DAB1: variants seen among roughly 807,000 people sequenced by gnomAD.
DAB1 encodes disabled homolog 1.
DAB1 carries 15 observed loss-of-function variants against 64.6 expected under a neutral mutation model. The observed-to-expected ratio is 0.23, with a 90% CI of 0.16 to 0.36. DAB1 has a LOEUF of 0.36. Among genes scored for constraint, DAB1 ranks in the 10% least tolerant of loss-of-function variants. The pLI is 1.00. For missense variants in DAB1, 596 were observed against 706.7 expected, an observed-to-expected ratio of 0.84 and a Z score of 1.78; for synonymous variants, 235 against 251.9, an observed-to-expected ratio of 0.93 and a Z score of 0.64.
intron 2 of DAB1, among the ~76,000 whole-genome samples, chr1:57,288,639 T>G (rs1014063249): frequency 1.3e-5 from 2 of 152,122 alleles, no homozygotes; most frequent in Non-Finnish European, 2.9e-5. Flanking sequence ...GTGAGAAACA[T>G]GTTTCTGTTG....
At chr1:57,557,065 G>A (rs1241702835) in intron 7 of DAB1, among the ~76,000 whole-genome samples, 1 of 152,140 alleles carries the variant, frequency 6.6e-6, no homozygotes, top group Non-Finnish European at 1.5e-5. Flanking sequence ...TGGATTGAAG[G>A]ACATAAAGTA....
At chr1:57,923,439 T>C (rs1644838066) in intron 5 of DAB1, among the ~76,000 whole-genome samples, 1 of 152,184 alleles carries the variant, frequency 6.6e-6, no homozygotes, top group Non-Finnish European at 1.5e-5. Flanking sequence ...GACCTGGGGA[T>C]ATCAATAGTG....
intron 5 of DAB1, among the ~76,000 whole-genome samples, chr1:57,917,108 C>T (rs1644738104): frequency 6.6e-6 from 1 of 152,144 alleles, no homozygotes; most frequent in South Asian, 2.1e-4. Flanking sequence ...TGGCCCCTGT[C>T]AGCGGGGCCA....
chr1:57,441,328 CCTT>C (rs1685950276), intron 7 of DAB1, among the ~76,000 whole-genome samples: 2 of 66,528 alleles, frequency 3.0e-5, no homozygotes, highest in Non-Finnish European at 6.0e-5. Context: ...CTTCTTTCCT[CCTT>C]CTTCTTTCTT....
At chr1:57,977,690 A>G (rs1025842214) in intron 5 of DAB1, among the ~76,000 whole-genome samples, 1 of 108,292 alleles carries the variant, frequency 9.2e-6, no homozygotes, top group Non-Finnish European at 1.9e-5. Flanking sequence ...CTCACCATAC[A>G]ATGCCTTTGC....
chr1:58,287,229 T>C (rs139616645), intron 4 of DAB1, among the ~76,000 whole-genome samples: 2,017 of 152,194 alleles, frequency 0.013, 45 homozygotes, highest in African/African-American at 0.046. Context: ...ACCTAGGTGA[T>C]GAGTTGATAG....
chr1:57,552,461 A>T (rs756048363), intron 7 of DAB1, among the ~76,000 whole-genome samples: 9 of 152,218 alleles, frequency 5.9e-5, no homozygotes, highest in Non-Finnish European at 1.3e-4. Context: ...CTATCAGAAC[A>T]GAATGGATAG....
chr1:57,564,167 G>A (rs1311388796), intron 7 of DAB1, among the ~76,000 whole-genome samples: 1 of 152,102 alleles, frequency 6.6e-6, no homozygotes, highest in Non-Finnish European at 1.5e-5. Flanking sequence ...CTGATACCCA[G>A]GCAAAGAGGG....
chr1:57,122,907 C>T (rs1463028573), intron 4 of DAB1, among the ~76,000 whole-genome samples: 1 of 152,028 alleles, frequency 6.6e-6, no homozygotes, highest in Non-Finnish European at 1.5e-5. Context: ...ATTCTCTCTC[C>T]CTGAATTTTT....
chr1:58,221,833 C>T (rs140511480), intron 4 of DAB1, among the ~76,000 whole-genome samples: 1 of 152,208 alleles, frequency 6.6e-6, no homozygotes, highest in Admixed American at 6.5e-5. Context: ...ATCTTCAGCT[C>T]TAATGGGACT....
intron 9 of DAB1, among the ~76,000 whole-genome samples, chr1:57,036,835 C>T (rs952334461): frequency 1.3e-5 from 2 of 152,114 alleles, no homozygotes; most frequent in Non-Finnish European, 2.9e-5. Flanking sequence ...AGTTTATCTT[C>T]CTATAATCTC....
chr1:57,940,902 A>G (rs1376546552), intron 5 of DAB1, among the ~76,000 whole-genome samples: 2 of 152,296 alleles, frequency 1.3e-5, no homozygotes, highest in African/African-American at 2.4e-5. Flanking sequence ...TGGAATCCCT[A>G]CGTGATGGGG....
intron 9 of DAB1, among the ~76,000 whole-genome samples, chr1:57,055,761 C>A (rs1023230517): frequency 2.0e-5 from 3 of 151,538 alleles, no homozygotes; most frequent in East Asian, 1.9e-4. Context: ...TTGAGTCCTA[C>A]AAAAATTTAT....
intron 6 of DAB1, among the ~76,000 whole-genome samples, chr1:57,805,092 G>C (rs1222783660): frequency 6.6e-6 from 1 of 152,140 alleles, no homozygotes. Flanking sequence ...GCAGCATGTG[G>C]TATTGAGATT....
intron 1 of DAB1, among the ~76,000 whole-genome samples, chr1:57,338,223 G>A (rs1286010564): frequency 6.6e-6 from 1 of 152,052 alleles, no homozygotes; most frequent in Admixed American, 6.6e-5. Context: ...GGGCTCAAGA[G>A]ATCTGCCCAC....
intron 3 of DAB1, among the ~76,000 whole-genome samples, chr1:58,483,052 A>T (rs1172430683): frequency 6.6e-6 from 1 of 152,238 alleles, no homozygotes; most frequent in Non-Finnish European, 1.5e-5. Flanking sequence ...TTTGAAGAAT[A>T]CACATTCGAA....
intron 7 of DAB1, among the ~76,000 whole-genome samples, chr1:57,608,502 T>C (rs926668108): frequency 3.3e-5 from 5 of 152,242 alleles, no homozygotes; most frequent in Admixed American, 6.5e-5. Context: ...ATCTGAAAGC[T>C]TGGCAGGCCG....
At chr1:58,008,805 T>C (rs899765654) in intron 5 of DAB1, among the ~76,000 whole-genome samples, 2 of 152,122 alleles carry the variant, frequency 1.3e-5, no homozygotes, top group Non-Finnish European at 2.9e-5. Flanking sequence ...ATGTCCAAGT[T>C]CCAGCAGGGC....
chr1:58,427,119 G>GT (rs1644828900), intron 3 of DAB1, among the ~76,000 whole-genome samples: 1 of 152,164 alleles, frequency 6.6e-6, no homozygotes, highest in South Asian at 2.1e-4. Flanking sequence ...GTAGAGTGCA[G>GT]TGAGGAAGGT....
Sources: gnomAD v4.1 joint callset for allele counts (sites outside exome capture counted in the v4.1 genomes callset) on GRCh38, gnomAD v4.1.1 for gene constraint, MANE v1.5 for transcripts, NCBI Gene and HGNC (gene_info 2026-07-23, HGNC 2026-07-21) for gene names.